The following PCDHGB4 variants were observed in gnomAD, a reference collection of about 807,000 sequenced individuals.
PCDHGB4 encodes protocadherin gamma-B4.
A neutral mutation model predicts 60.5 loss-of-function variants in PCDHGB4; 38 were observed. That is an observed-to-expected ratio of 0.63 (90% CI 0.48 to 0.82). The LOEUF (loss-of-function observed/expected upper bound fraction) is 0.82, where lower values mean the gene tolerates loss of function less well. Among genes scored for constraint, PCDHGB4 ranks in the 40% least tolerant of loss-of-function variants. The probability of loss-of-function intolerance (pLI) is 0.00; values close to 1 mark genes in which losing one functional copy is unlikely to be tolerated. For missense variants in PCDHGB4, 1,109 were observed against 1,209.6 expected (o/e 0.92, Z 1.23); for synonymous variants, 456 against 509.7 (o/e 0.89, Z 1.42).
chr5:141,408,676 G>A (rs1315766272), intron 1 of PCDHGB4: 2 of 1,613,652 alleles, frequency 1.2e-6, no homozygotes, highest in Non-Finnish European at 1.7e-6. Flanking sequence ...ACCCTGCCAC[G>A]GATCCTGATA....
chr5:141,404,085 A>G, intron 1 of PCDHGB4: 1 of 1,613,618 alleles, frequency 6.2e-7, no homozygotes, highest in South Asian at 1.1e-5. Context: ...GACTCCGGGA[A>G]GAATGGTCAA....
At chr5:141,419,570 G>T in intron 1 of PCDHGB4, 1 of 1,611,766 alleles carries the variant, frequency 6.2e-7, no homozygotes. Context: ...GGGTCCCGAC[G>T]GCTCCGCGCT....
intron 1 of PCDHGB4, among the ~76,000 whole-genome samples, chr5:141,425,350 A>G (rs926657846): frequency 6.6e-6 from 1 of 152,194 alleles, no homozygotes; most frequent in Non-Finnish European, 1.5e-5. Context: ...TGGCTTTGAA[A>G]TGTGATATTA....
intron 1 of PCDHGB4, chr5:141,422,541 T>G: frequency 6.2e-7 from 1 of 1,613,992 alleles, no homozygotes; most frequent in Non-Finnish European, 8.5e-7. Context: ...CAGAAACTCA[T>G]GTCTGGCTGA....
At position 141,409,164 on chromosome 5, in the gene PCDHGB4, C is replaced by T. The variant is rs115772303; in HGVS notation, c.2397+18883C>T. ...GAAAGGTACACCATGGAAGTGGAAG[C>T]GAAGGACGGAGGTGGTCTCTCTACC... On this transcript the variant is annotated intron_variant, in intron 1 of 3. Transcript: ENST00000519479. 2.0e-3 allele frequency: 3,227 copies of T among 1,613,908 alleles called. 51 individuals are homozygous for T. In the African/African-American group the frequency reaches 0.029, roughly 14 times the overall value.
chr5:141,500,365 C>T (rs888624200), intron 2 of PCDHGB4, among the ~76,000 whole-genome samples: 5 of 151,956 alleles, frequency 3.3e-5, no homozygotes, highest in South Asian at 2.1e-4. Flanking sequence ...CCCACTACCA[C>T]GCCCGGCTAA....
Position 141,477,809 on chromosome 5 carries a change from C to A in PCDHGB4, c.2398-16998C>A. 1 of 1,614,146 alleles carries A rather than the reference C, an allele frequency of 6.2e-7. No individual in the cohort carries two copies. Among genetic ancestry groups the A allele is most frequent in the Non-Finnish European group, 8.5e-7 (1 of 1,180,040 alleles). On this transcript the variant is annotated intron_variant, in intron 1 of 3. Coordinates refer to ENST00000519479, the MANE Select transcript of PCDHGB4 (RefSeq NM_003736.4). The surrounding 1 kb of genome is among the most constrained non-coding windows in gnomAD (Gnocchi z 4.9). ...TGTCACTGATCGCAATGACAATGCC[C>A]CCCAGGTCCTATATCCTCGGCCAGG...
intron 1 of PCDHGB4, chr5:141,410,073 G>T: frequency 6.2e-7 from 1 of 1,612,940 alleles, no homozygotes; most frequent in South Asian, 1.1e-5. Context: ...CTGCGCACTG[G>T]GGAGGTGCGC....
At chr5:141,436,318 CTG>C (rs1309397202) in intron 1 of PCDHGB4, among the ~76,000 whole-genome samples, 1 of 152,154 alleles carries the variant, frequency 6.6e-6, no homozygotes, top group Non-Finnish European at 1.5e-5. Flanking sequence ...ATAGTCAAGA[CTG>C]TTAGACCATA....
intron 1 of PCDHGB4, among the ~76,000 whole-genome samples, chr5:141,455,177 T>C (rs2098816411): frequency 6.6e-6 from 1 of 152,040 alleles, no homozygotes; most frequent in Non-Finnish European, 1.5e-5. Context: ...TTTTAGTTTT[T>C]TTATTTCTCT....
intron 1 of PCDHGB4, chr5:141,475,816 C>A (rs1051857446): frequency 1.5e-5 from 5 of 342,872 alleles, no homozygotes; most frequent in Admixed American, 9.0e-5. Context: ...AGTGAAGTTC[C>A]TGGCGCTAGC....
intron 3 of PCDHGB4, among the ~76,000 whole-genome samples, chr5:141,506,435 G>C (rs1470687416): frequency 7.9e-6 from 1 of 126,278 alleles, no homozygotes; most frequent in East Asian, 2.1e-4. Flanking sequence ...CAACAGTCTC[G>C]CTCTGTCTCA....
Position 141,511,628 on chromosome 5 carries a change from G to C in PCDHGB4, c.*455G>C, listed in dbSNP as rs4912608. 0.2 allele frequency: 46,780 copies of C among 231,598 alleles called. 5,185 individuals are homozygous for C. The highest frequency in any genetic ancestry group is 0.32 in the Admixed American group (6,204 of 19,590). The allele number at this position is 231,598 out of a possible 1,614,324, so 14.3% of individuals were successfully genotyped here. A position where few individuals can be genotyped will look rare whatever the true frequency, so the allele number is the denominator to read the frequency against. On this transcript the variant is annotated 3_prime_UTR_variant, in exon 4 of 4. Transcript: ENST00000519479. ...CAAGCCTCCTAGTTCTGAAAAGTTG[G>C]AAGGGCATCATGACCTCTTGGCCTC...
intron 1 of PCDHGB4, among the ~76,000 whole-genome samples, chr5:141,454,458 G>A (rs535843071): frequency 5.3e-5 from 8 of 152,322 alleles, no homozygotes; most frequent in Non-Finnish European, 1.5e-5. Flanking sequence ...CCAGGCTGGA[G>A]TGCAATGGCA....
rs774271747 is a variant in PCDHGB4 at position 141,485,866 on chromosome 5, C to A, written c.2398-8941C>A. On this transcript the variant is annotated intron_variant, in intron 1 of 3. Coordinates refer to ENST00000519479, the MANE Select transcript of PCDHGB4 (RefSeq NM_003736.4). The surrounding 1 kb of genome is among the most constrained non-coding windows in gnomAD (Gnocchi z 5.7). Reference sequence around the variant, plus strand: ...CTGGCACCGCAGAGCTCCGGGTATCCGTGCTGGACGTAAACGACAACGCCC... The same window carrying A: ...CTGGCACCGCAGAGCTCCGGGTATCAGTGCTGGACGTAAACGACAACGCCC... 2 of 1,614,144 alleles carry A rather than the reference C, an allele frequency of 1.2e-6. No homozygotes were observed. Among genetic ancestry groups the A allele is most frequent in the South Asian group, 1.1e-5 (1 of 91,074 alleles).
intron 1 of PCDHGB4, 82 bp from the exon 2 acceptor site, chr5:141,494,725 C>T: frequency 6.2e-7 from 1 of 1,610,026 alleles, no homozygotes; most frequent in Middle Eastern, 1.7e-4. Context: ...CCCTCCTTCT[C>T]TCCCGGCCCA....
chr5:141,447,823 C>T lies in PCDHGB4; in HGVS notation c.2398-46984C>T, dbSNP rs192381755. ...AAAATTGGCTGGGCGTGGTGGCTCA[C>T]GCCTGTAATCCCAGTGCTTTGGGAG... On this transcript the variant is annotated intron_variant, in intron 1 of 3. Coordinates refer to ENST00000519479, the MANE Select transcript of PCDHGB4 (RefSeq NM_003736.4). Among the ~76,000 whole-genome samples, 677 of 152,272 alleles carry T rather than the reference C, an allele frequency of 4.4e-3. 5 individuals are homozygous for T. Among genetic ancestry groups the T allele is most frequent in the African/African-American group, 0.015 (635 of 41,548 alleles).
intron 1 of PCDHGB4, among the ~76,000 whole-genome samples, chr5:141,436,713 G>C (rs2097842329): frequency 6.6e-6 from 1 of 152,308 alleles, no homozygotes; most frequent in East Asian, 1.9e-4. Flanking sequence ...TCGATGTTCT[G>C]TTGGGAAAAA....
chr5:141,454,644 G>T (rs183290309), intron 1 of PCDHGB4, among the ~76,000 whole-genome samples: 2 of 151,892 alleles, frequency 1.3e-5, no homozygotes, highest in South Asian at 2.1e-4. Flanking sequence ...AACCTCAGGT[G>T]ATCTGCCCAC....
Sources: allele counts gnomAD v4.1 joint callset (sites outside exome capture counted in the v4.1 genomes callset), GRCh38; gene constraint gnomAD v4.1.1; non-coding constraint Gnocchi (gnomAD v3.1); transcripts MANE v1.5; gene names NCBI Gene and HGNC (gene_info 2026-07-23, HGNC 2026-07-21).